Variants in CADPS2 observed in about 807,000 individuals in gnomAD.
The protein encoded by CADPS2 is calcium-dependent secretion activator 2.
A neutral mutation model predicts 172.5 loss-of-function variants in CADPS2; 93 were observed. The observed-to-expected ratio is 0.54, with a 90% confidence interval of 0.46 to 0.64. The LOEUF (loss-of-function observed/expected upper bound fraction) is 0.64. Ranked by LOEUF, CADPS2 falls within the 30% of genes least tolerant of loss-of-function variation. The probability of loss-of-function intolerance (pLI) is 0.00; values close to 1 mark genes in which losing one functional copy is unlikely to be tolerated. For missense variants in CADPS2, 1,420 were observed against 1,565.9 expected, an observed-to-expected ratio of 0.91 and a Z score of 1.57; for synonymous variants, 546 against 555.2, an observed-to-expected ratio of 0.98 and a Z score of 0.23.
chr7:122,590,824 A>T (rs1487387206), intron 6 of CADPS2, among the ~76,000 whole-genome samples: 1 of 151,956 alleles, frequency 6.6e-6, no homozygotes, highest in Non-Finnish European at 1.5e-5. Context: ...CTAGAATTTC[A>T]AAATTTTATT....
At chr7:122,608,071 G>C (rs955377654) in intron 6 of CADPS2, among the ~76,000 whole-genome samples, 1 of 152,012 alleles carries the variant, frequency 6.6e-6, no homozygotes, top group African/African-American at 2.4e-5. Context: ...ACAAAAATTA[G>C]CTGGGTGTGG....
intron 8 of CADPS2, among the ~76,000 whole-genome samples, chr7:122,550,415 T>C (rs531307904): frequency 6.6e-6 from 1 of 152,320 alleles, no homozygotes; most frequent in Non-Finnish European, 1.5e-5. Flanking sequence ...GAAACTATGA[T>C]AAAAGTCTTC....
At chr7:122,732,084 ATAAC>A (rs1442948223) in intron 2 of CADPS2, among the ~76,000 whole-genome samples, 4 of 151,876 alleles carry the variant, frequency 2.6e-5, no homozygotes, top group African/African-American at 9.6e-5. Flanking sequence ...AATATTAATT[ATAAC>A]TAACATATAC....
intron 6 of CADPS2, among the ~76,000 whole-genome samples, chr7:122,610,809 C>A (rs1258125904): frequency 6.6e-6 from 1 of 152,076 alleles, no homozygotes; most frequent in Non-Finnish European, 1.5e-5. Context: ...ATAAAATAAT[C>A]TAAGGACCAT....
chr7:122,635,177 GTTGAGT>G (rs1159717361), intron 3 of CADPS2, among the ~76,000 whole-genome samples: 2 of 152,124 alleles, frequency 1.3e-5, no homozygotes, highest in Admixed American at 1.3e-4. Flanking sequence ...TTGGTTAAGT[GTTGAGT>G]TTAATTCTGG....
chr7:122,617,567 G>A (rs780297441), intron 5 of CADPS2, among the ~76,000 whole-genome samples: 33 of 152,162 alleles, frequency 2.2e-4, no homozygotes, highest in Non-Finnish European at 4.1e-4. Context: ...TATAAAATGT[G>A]AAACTAGGTA....
chr7:122,503,197 G>A (rs1442467906), intron 9 of CADPS2, among the ~76,000 whole-genome samples: 2 of 151,888 alleles, frequency 1.3e-5, no homozygotes, highest in African/African-American at 2.4e-5. Context: ...ACACCTGGCT[G>A]GCTAATTTTT....
intron 10 of CADPS2, among the ~76,000 whole-genome samples, chr7:122,490,500 A>C (rs2058184098): frequency 6.6e-6 from 1 of 152,152 alleles, no homozygotes; most frequent in Admixed American, 6.5e-5. Context: ...ATAAAAAATA[A>C]CCTAGGGAAA....
intron 8 of CADPS2, among the ~76,000 whole-genome samples, chr7:122,545,454 T>C (rs1199133078): frequency 2.0e-5 from 3 of 152,114 alleles, no homozygotes; most frequent in Non-Finnish European, 4.4e-5. Flanking sequence ...TCGTGTTGGG[T>C]ATAAAATCTA....
intron 2 of CADPS2, among the ~76,000 whole-genome samples, chr7:122,729,283 G>A (rs2091415123): frequency 6.6e-6 from 1 of 151,710 alleles, no homozygotes; most frequent in African/African-American, 2.4e-5. Context: ...AGACACTTAG[G>A]TTGATTCCAC....
intron 1 of CADPS2, among the ~76,000 whole-genome samples, chr7:122,830,554 T>C (rs1203606277): frequency 6.6e-6 from 1 of 152,222 alleles, no homozygotes; most frequent in Non-Finnish European, 1.5e-5. Context: ...TATAGCGCAT[T>C]AGCAAAGGAT....
chr7:122,720,465 T>C (rs2090230392), intron 2 of CADPS2, among the ~76,000 whole-genome samples: 1 of 149,546 alleles, frequency 6.7e-6, no homozygotes, highest in Non-Finnish European at 1.5e-5. Flanking sequence ...CATGTATATG[T>C]AGATATATGT....
chr7:122,458,732 G>A (rs754931541), intron 14 of CADPS2, among the ~76,000 whole-genome samples: 51 of 152,170 alleles, frequency 3.4e-4, no homozygotes, highest in South Asian at 4.1e-4. Context: ...TGGTGAATAG[G>A]CCAAGGACCA....
At chr7:122,600,147 C>T (rs1343015357) in intron 6 of CADPS2, among the ~76,000 whole-genome samples, 1 of 152,058 alleles carries the variant, frequency 6.6e-6, no homozygotes, top group Non-Finnish European at 1.5e-5. Context: ...TTCATCCAGG[C>T]CGTCAGAAGC....
At chr7:122,442,500 G>T (rs2051487374) in intron 15 of CADPS2, among the ~76,000 whole-genome samples, 2 of 152,094 alleles carry the variant, frequency 1.3e-5, no homozygotes, top group South Asian at 4.1e-4. Flanking sequence ...AGAAGTTTAT[G>T]TATCTCCATG....
At chr7:122,697,830 G>T (rs779390367) in intron 2 of CADPS2, 2 of 1,606,620 alleles carry the variant, frequency 1.2e-6, no homozygotes, top group Non-Finnish European at 1.7e-6. Flanking sequence ...AATGAGGCTG[G>T]ATGTCATTAT....
At chr7:122,729,422 T>C (rs573956399) in intron 2 of CADPS2, among the ~76,000 whole-genome samples, 1 of 151,886 alleles carries the variant, frequency 6.6e-6, no homozygotes, top group Non-Finnish European at 1.5e-5. Context: ...TTTCTATTTT[T>C]AATTTTTTAA....
At chr7:122,729,355 T>C (rs536456782) in intron 2 of CADPS2, among the ~76,000 whole-genome samples, 1 of 151,782 alleles carries the variant, frequency 6.6e-6, no homozygotes, top group South Asian at 2.1e-4. Context: ...TTTTGACATA[T>C]TGATTTAATT....
chr7:122,656,744 G>C (rs935726919), intron 3 of CADPS2, among the ~76,000 whole-genome samples: 1 of 152,112 alleles, frequency 6.6e-6, no homozygotes, highest in African/African-American at 2.4e-5. Context: ...GTCAAAAGGG[G>C]AGACAAAAAC....
Sources: allele counts gnomAD v4.1 joint callset (sites outside exome capture counted in the v4.1 genomes callset), GRCh38; gene constraint gnomAD v4.1.1; transcripts MANE v1.5; gene names NCBI Gene and HGNC (gene_info 2026-07-23, HGNC 2026-07-21).